The following ERC1 variants were observed in gnomAD, a reference collection of about 807,000 sequenced individuals.
The protein encoded by ERC1 is ELKS/RAB6-interacting/CAST family member 1, also known as RAB6 interacting protein 2.
Under a neutral mutation model 132.0 loss-of-function variants are expected in ERC1, and 56 were observed. That is an observed-to-expected ratio of 0.42 (90% CI 0.34 to 0.53). The LOEUF (loss-of-function observed/expected upper bound fraction) is 0.53, where lower values mean the gene tolerates loss of function less well. ERC1 is among the 20% of genes least tolerant of loss of function. The pLI, the probability that ERC1 is intolerant of heterozygous loss-of-function variation, is 0.03. For missense variants in ERC1, 1,202 were observed against 1,349.9 expected, an observed-to-expected ratio of 0.89 and a Z score of 1.72; for synonymous variants, 478 against 476.1, an observed-to-expected ratio of 1.00 and a Z score of -0.05.
chr12:1,269,827 C>G (rs1250364554), intron 14 of ERC1, among the ~76,000 whole-genome samples: 4 of 152,136 alleles, frequency 2.6e-5, no homozygotes, highest in African/African-American at 9.7e-5. Context: ...TTTCATTTTC[C>G]CCTTCACGGT....
chr12:1,296,116 A>G lies in ERC1; in HGVS notation c.2780+6104A>G, dbSNP rs562956433. On this transcript the variant is annotated intron_variant, in intron 15 of 18. Transcript: ENST00000360905. The stretch of plus-strand genomic sequence containing the variant: ...TAGGAAATCTCAACAGAGAAAGGAA[A>G]AGTATTTTAAAATGGAAATTTGACA... Among the ~76,000 whole-genome samples, 671 of 152,206 alleles carry G rather than the reference A, an allele frequency of 4.4e-3. 6 individuals are homozygous for G. Among genetic ancestry groups the G allele is most frequent in the African/African-American group, 0.016 (651 of 41,540 alleles).
intron 12 of ERC1, among the ~76,000 whole-genome samples, chr12:1,214,665 TACACACAC>T (rs59137347): frequency 0.025 from 3,005 of 119,054 alleles, 75 homozygotes; most frequent in African/African-American, 0.055. Context: ...TGTGTATACA[TACACACAC>T]ACACACACAC....
chr12:1,187,005 A>G (rs2154275461), intron 11 of ERC1, among the ~76,000 whole-genome samples: 1 of 151,674 alleles, frequency 6.6e-6, no homozygotes, highest in East Asian at 1.9e-4. Context: ...TAATTTTTGT[A>G]CTCTTAGTGG....
chr12:1,474,516 C>T lies in ERC1; in HGVS notation c.3214-15577C>T, dbSNP rs893840968. Among the ~76,000 whole-genome samples the T allele has an allele frequency of 3.9e-5, 6 of 152,170 alleles. No homozygotes were observed. In the East Asian group the frequency reaches 7.7e-4, roughly 20 times the overall value. ...TTTTCTCTTTTACAAATTTATTTCA[C>T]GGAGTTCTGGTAGCTCTCTCTAACA... is the stretch of plus-strand genomic sequence containing the variant. On this transcript the variant is annotated intron_variant, in intron 18 of 18. Coordinates refer to ENST00000360905, the MANE Select transcript of ERC1 (RefSeq NM_178040.4).
intron 15 of ERC1, among the ~76,000 whole-genome samples, chr12:1,324,495 T>C (rs2082321691): frequency 6.6e-6 from 1 of 152,174 alleles, no homozygotes; most frequent in Non-Finnish European, 1.5e-5. Flanking sequence ...ATTTTATTTC[T>C]CTCAACGTAA....
At chr12:1,080,007 G>C (rs1941954646) in intron 2 of ERC1, among the ~76,000 whole-genome samples, 1 of 152,224 alleles carries the variant, frequency 6.6e-6, no homozygotes, top group African/African-American at 2.4e-5. Context: ...CAAGAAAAAT[G>C]TGGATTCATG....
intron 12 of ERC1, among the ~76,000 whole-genome samples, chr12:1,191,251 T>C (rs1247636124): frequency 6.6e-6 from 1 of 152,280 alleles, no homozygotes; most frequent in African/African-American, 2.4e-5. Flanking sequence ...GATTAGATTA[T>C]GTACATTTTT....
intron 7 of ERC1, among the ~76,000 whole-genome samples, chr12:1,125,343 T>A (rs988185381): frequency 1.3e-5 from 2 of 151,936 alleles, no homozygotes; most frequent in African/African-American, 4.8e-5. Context: ...ATTTTCATCC[T>A]CAAGTTGTTC....
intron 12 of ERC1, among the ~76,000 whole-genome samples, chr12:1,193,906 T>C (rs1955976141): frequency 6.6e-6 from 1 of 152,164 alleles, no homozygotes; most frequent in African/African-American, 2.4e-5. Context: ...CACTGTAACA[T>C]AGACAAGTTA....
At chr12:1,385,590 C>CT (rs1302623884) in intron 16 of ERC1, among the ~76,000 whole-genome samples, 3 of 152,118 alleles carry the variant, frequency 2.0e-5, no homozygotes, top group Non-Finnish European at 4.4e-5. Context: ...CGGCCCCTAT[C>CT]TATCTTATTA....
intron 7 of ERC1, among the ~76,000 whole-genome samples, chr12:1,119,568 T>A (rs1182933162): frequency 3.6e-4 from 1 of 2,742 alleles, no homozygotes; most frequent in African/African-American, 9.3e-4. Flanking sequence ...TGTGTGTGTG[T>A]GAGATGGAGT....
chr12:1,454,907 A>C (rs1473196332), intron 18 of ERC1, among the ~76,000 whole-genome samples: 2 of 152,212 alleles, frequency 1.3e-5, no homozygotes, highest in Admixed American at 6.5e-5. Flanking sequence ...TGATAATAGA[A>C]GAAAACATAT....
chr12:1,482,252 A>G (rs969234166), intron 18 of ERC1, among the ~76,000 whole-genome samples: 1 of 152,092 alleles, frequency 6.6e-6, no homozygotes, highest in Non-Finnish European at 1.5e-5. Flanking sequence ...GCCTCACCTC[A>G]TACTGTGTTT....
chr12:1,455,419 T>C (rs2154418221), intron 18 of ERC1, among the ~76,000 whole-genome samples: 1 of 152,340 alleles, frequency 6.6e-6, no homozygotes, highest in South Asian at 2.1e-4. Flanking sequence ...GCATCTTCTC[T>C]GTTTACTTTA....
chr12:1,447,637 T>C (rs1227727763), intron 18 of ERC1, among the ~76,000 whole-genome samples: 1 of 151,710 alleles, frequency 6.6e-6, no homozygotes, highest in Non-Finnish European at 1.5e-5. Flanking sequence ...GTTTTGTTTT[T>C]GTTTTTGTTT....
chr12:1,371,734 T>G (rs2087262671), intron 15 of ERC1, 99 bp from the exon 16 acceptor site: 4 of 1,424,980 alleles, frequency 2.8e-6, no homozygotes, highest in Non-Finnish European at 1.9e-6. Context: ...TTTGCTTTCT[T>G]GGTTTTATTA....
chr12:1,159,412 G>A (rs1951688599), intron 8 of ERC1, among the ~76,000 whole-genome samples: 1 of 152,156 alleles, frequency 6.6e-6, no homozygotes, highest in African/African-American at 2.4e-5. Flanking sequence ...AGGAGGTGGA[G>A]CTCAGGTGGT....
intron 16 of ERC1, among the ~76,000 whole-genome samples, chr12:1,406,360 C>T: frequency 6.6e-6 from 1 of 152,004 alleles, no homozygotes. Context: ...CATCTAGAAA[C>T]TAAAATGTGT....
In ERC1 at chr12:1,298,561, CAAACAAAG is replaced by C. The variant is rs1566521496; in HGVS notation, c.2780+8553_2780+8560del. Among the ~76,000 whole-genome samples, 155 of 87,244 alleles carry C rather than the reference CAAACAAAG, an allele frequency of 1.8e-3. 1 individual carries two copies. The highest frequency in any genetic ancestry group is 3.1e-3 in the Non-Finnish European group (107 of 34,766). 57.2% of individuals were successfully genotyped at this position (87,244 alleles called of 152,430 possible). On this transcript the variant is annotated intron_variant, in intron 15 of 18. Coordinates refer to ENST00000360905, the MANE Select transcript of ERC1 (RefSeq NM_178040.4). ...CTGTCACAAAAAAAAAAAAAACAAA[CAAACAAAG>C]AAAAAGCACCTGAAGAGCTAACAGA...
Sources: allele counts gnomAD v4.1 joint callset (sites outside exome capture counted in the v4.1 genomes callset), GRCh38; gene constraint gnomAD v4.1.1; transcripts MANE v1.5; gene names NCBI Gene and HGNC (gene_info 2026-07-23, HGNC 2026-07-21).